Variants in TMEM132D observed in about 807,000 individuals in gnomAD.
TMEM132D encodes the protein mature OL transmembrane protein.
A neutral mutation model predicts 62.3 loss-of-function variants in TMEM132D; 21 were observed. That is an observed-to-expected ratio of 0.34 (90% confidence interval 0.24 to 0.49). The LOEUF (loss-of-function observed/expected upper bound fraction) is 0.49. TMEM132D is among the 20% of genes least tolerant of loss of function. The pLI is 0.99. For synonymous variants in TMEM132D, 621 were observed against 575.6 expected, an observed-to-expected ratio of 1.08 and a Z score of -1.13; for missense variants, 1,346 against 1,402.8, an observed-to-expected ratio of 0.96 and a Z score of 0.65.
At chr12:129,292,303 G>T (rs918064446) in intron 4 of TMEM132D, among the ~76,000 whole-genome samples, 1 of 152,178 alleles carries the variant, frequency 6.6e-6, no homozygotes, top group Non-Finnish European at 1.5e-5. Flanking sequence ...AATGTGGTCA[G>T]CAGAGAAACA....
At chr12:129,295,288 A>G (rs1022753667) in intron 4 of TMEM132D, among the ~76,000 whole-genome samples, 2 of 152,102 alleles carry the variant, frequency 1.3e-5, no homozygotes, top group African/African-American at 4.8e-5. Context: ...GCTACACACT[A>G]CAGAACACTG....
intron 1 of TMEM132D, among the ~76,000 whole-genome samples, chr12:129,847,612 T>C (rs1224392282): frequency 1.3e-5 from 2 of 152,112 alleles, no homozygotes; most frequent in African/African-American, 4.8e-5. Flanking sequence ...ATTTCTCTTC[T>C]GTAGTGGAGT....
At chr12:129,387,361 C>G (rs1431922353) in intron 3 of TMEM132D, among the ~76,000 whole-genome samples, 2 of 151,936 alleles carry the variant, frequency 1.3e-5, no homozygotes, top group African/African-American at 4.8e-5. Flanking sequence ...ACATAATCAC[C>G]AACATTAATA....
chr12:129,281,809 A>G (rs1476146286), intron 4 of TMEM132D, among the ~76,000 whole-genome samples: 1 of 152,148 alleles, frequency 6.6e-6, no homozygotes, highest in Non-Finnish European at 1.5e-5. Context: ...TTCTCCTGGT[A>G]TTACCTGGGA....
intron 5 of TMEM132D, among the ~76,000 whole-genome samples, chr12:129,191,861 T>C (rs1252452422): frequency 6.6e-6 from 1 of 152,232 alleles, no homozygotes; most frequent in African/African-American, 2.4e-5. Context: ...TTGTTACTGC[T>C]TAATCTCCAG....
chr12:129,576,524 G>A (rs1877665072), intron 2 of TMEM132D, among the ~76,000 whole-genome samples: 1 of 151,558 alleles, frequency 6.6e-6, no homozygotes, highest in African/African-American at 2.4e-5. Context: ...ACATATATGT[G>A]TACATATATC....
intron 5 of TMEM132D, among the ~76,000 whole-genome samples, chr12:129,098,614 C>G (rs1390577823): frequency 6.6e-6 from 1 of 152,090 alleles, no homozygotes; most frequent in African/African-American, 2.4e-5. Context: ...AGATAAAGAA[C>G]CTTGAGACTC....
At chr12:129,166,899 C>A (rs951957379) in intron 5 of TMEM132D, among the ~76,000 whole-genome samples, 1 of 152,060 alleles carries the variant, frequency 6.6e-6, no homozygotes, top group Non-Finnish European at 1.5e-5. Context: ...CGCAGTGGCT[C>A]ACACTTGTAA....
chr12:129,090,734 A>T (rs1430519350), intron 5 of TMEM132D, among the ~76,000 whole-genome samples: 2 of 152,200 alleles, frequency 1.3e-5, no homozygotes, highest in Non-Finnish European at 2.9e-5. Context: ...CAACATTCAA[A>T]ACTTTGATGA....
chr12:129,198,019 G>A (rs1263660656), intron 5 of TMEM132D, among the ~76,000 whole-genome samples: 1 of 152,126 alleles, frequency 6.6e-6, no homozygotes, highest in African/African-American at 2.4e-5. Flanking sequence ...ATAGTCAATA[G>A]ATACATTTTA....
intron 4 of TMEM132D, among the ~76,000 whole-genome samples, chr12:129,320,490 C>A (rs116587257): frequency 2.7e-3 from 404 of 152,240 alleles, no homozygotes; most frequent in African/African-American, 9.1e-3. Context: ...CCAGTTGTCT[C>A]ATAGCTAGGA....
intron 1 of TMEM132D, among the ~76,000 whole-genome samples, chr12:129,882,149 A>C (rs1391087868): frequency 6.6e-6 from 1 of 152,090 alleles, no homozygotes; most frequent in Non-Finnish European, 1.5e-5. Context: ...GCTTCTGAAA[A>C]AAAAATTCAG....
At chr12:129,734,539 G>A (rs150420462) in intron 1 of TMEM132D, among the ~76,000 whole-genome samples, 1 of 152,224 alleles carries the variant, frequency 6.6e-6, no homozygotes, top group African/African-American at 2.4e-5. Flanking sequence ...ATTACTCATT[G>A]CTTCGAGTAA....
chr12:129,337,830 C>T lies in TMEM132D; in HGVS notation c.1116-13G>A. 6.3e-7 allele frequency: 1 copy of T among 1,592,776 alleles called. No homozygotes were observed. The highest frequency in any genetic ancestry group is 8.6e-7 in the Non-Finnish European group (1 of 1,167,928). Reference sequence around the variant, plus strand: ...GGCGCCATCCGCACTGGAGAGAAGACACAGAGGAGAACAGCTTTCAGGGAC... The same window carrying T: ...GGCGCCATCCGCACTGGAGAGAAGATACAGAGGAGAACAGCTTTCAGGGAC... On this transcript the variant is annotated splice_polypyrimidine_tract_variant and intron_variant, in intron 3 of 8. Coordinates refer to ENST00000422113, the MANE Select transcript of TMEM132D (RefSeq NM_133448.3).
chr12:129,621,960 C>T (rs951939081), intron 2 of TMEM132D, among the ~76,000 whole-genome samples: 1 of 152,166 alleles, frequency 6.6e-6, no homozygotes, highest in Non-Finnish European at 1.5e-5. Flanking sequence ...TGTTCTCTCC[C>T]TAGCGCCCAT....
At chr12:129,689,941 C>A (rs867811590) in intron 2 of TMEM132D, among the ~76,000 whole-genome samples, 5 of 152,124 alleles carry the variant, frequency 3.3e-5, no homozygotes, top group African/African-American at 1.2e-4. Context: ...GCGCCACTCC[C>A]AAATGTGGAG....
At chr12:129,136,821 A>C (rs1187695086) in intron 5 of TMEM132D, among the ~76,000 whole-genome samples, 1 of 146,432 alleles carries the variant, frequency 6.8e-6, no homozygotes, top group Non-Finnish European at 1.5e-5. Flanking sequence ...CATCACATCA[A>C]TACCATCATC....
intron 1 of TMEM132D, among the ~76,000 whole-genome samples, chr12:129,754,592 A>G (rs1451945288): frequency 6.6e-6 from 1 of 152,200 alleles, no homozygotes; most frequent in African/African-American, 2.4e-5. Context: ...ATCAGGCGGG[A>G]CACAGTAGAG....
At chr12:129,476,920 T>G (rs1874278616) in intron 3 of TMEM132D, among the ~76,000 whole-genome samples, 1 of 152,204 alleles carries the variant, frequency 6.6e-6, no homozygotes, top group Non-Finnish European at 1.5e-5. Context: ...AGATGATCAA[T>G]TTCTACCAAT....
Sources: allele counts gnomAD v4.1 joint callset (sites outside exome capture counted in the v4.1 genomes callset), GRCh38; gene constraint gnomAD v4.1.1; transcripts MANE v1.5; gene names NCBI Gene and HGNC (gene_info 2026-07-23, HGNC 2026-07-21).